The following GARNL3 variants were observed in gnomAD, a reference collection of about 807,000 sequenced individuals.
The protein encoded by GARNL3 is GTPase-activating Rap/Ran-GAP domain-like protein 3.
A neutral mutation model predicts 125.0 loss-of-function variants in GARNL3; 63 were observed. That is an observed-to-expected ratio of 0.50 (90% CI 0.41 to 0.62). The LOEUF is 0.62. Among genes scored for constraint, GARNL3 ranks in the 20% least tolerant of loss-of-function variants. The probability of loss-of-function intolerance (pLI) is 0.00; values close to 1 mark genes in which losing one functional copy is unlikely to be tolerated. For synonymous variants in GARNL3, 439 were observed against 457.5 expected (o/e 0.96, Z 0.52); for missense variants, 994 against 1,244.0 (o/e 0.80, Z 3.02).
intron 21 of GARNL3, among the ~76,000 whole-genome samples, chr9:127,360,973 C>G (rs1277281257): frequency 6.6e-6 from 1 of 152,230 alleles, no homozygotes; most frequent in Non-Finnish European, 1.5e-5. Context: ...TGACCTCATT[C>G]CCAAAACCAA....
intron 7 of GARNL3, among the ~76,000 whole-genome samples, chr9:127,326,714 T>C (rs1056946367): frequency 2.6e-5 from 4 of 152,128 alleles, no homozygotes; most frequent in Non-Finnish European, 5.9e-5. Context: ...TGCCTACCAA[T>C]GTGGTGGTAT....
chr9:127,246,931 C>CTTT lies in GARNL3; in HGVS notation c.143+3701_143+3703dup, dbSNP rs35410163. Among the ~76,000 whole-genome samples the CTTT allele has an allele frequency of 3.6e-3, 352 of 99,140 alleles. 10 individuals are homozygous for CTTT. The highest frequency in any genetic ancestry group is 4.1e-3 in the Non-Finnish European group (212 of 52,060). 65.0% of individuals were successfully genotyped at this position (99,140 alleles called of 152,430 possible). A position where few individuals can be genotyped will look rare whatever the true frequency, so the allele number is the denominator to read the frequency against. On this transcript the variant is annotated intron_variant, in intron 2 of 10. Coordinates refer to the GARNL3 transcript ENST00000439286. The stretch of plus-strand genomic sequence containing the variant: ...CTTGAGAAAGGAGTTGACCTTCCTT[C>CTTT]TTTTTTTTTTTTTTTTTTTTTGCGT...
At chr9:127,325,176 C>A in intron 7 of GARNL3, 81 bp downstream of exon 7, 2 of 1,391,206 alleles carry the variant, frequency 1.4e-6, no homozygotes, top group Non-Finnish European at 2.0e-6. Flanking sequence ...GTGAACCCAG[C>A]CTTTGCTTTC....
At chr9:127,229,142 A>T (rs1003581177) in intron 1 of GARNL3, among the ~76,000 whole-genome samples, 1 of 152,146 alleles carries the variant, frequency 6.6e-6, no homozygotes, top group African/African-American at 2.4e-5. Flanking sequence ...GCTTAAGTAA[A>T]AGTGAATTCC....
chr9:127,285,342 G>A (rs1009772597), intron 1 of GARNL3, among the ~76,000 whole-genome samples: 1 of 152,202 alleles, frequency 6.6e-6, no homozygotes, highest in East Asian at 1.9e-4. Flanking sequence ...AGAATCGCTC[G>A]AACTCGGGAG....
chr9:127,390,895 C>T, intron 27 of GARNL3, 128 bp downstream of exon 27: 7 of 931,604 alleles, frequency 7.5e-6, no homozygotes, highest in Non-Finnish European at 9.7e-6. Flanking sequence ...GGGCCAGCAG[C>T]CTGTTCCTCT....
At chr9:127,229,776 T>G (rs570420640) in intron 1 of GARNL3, among the ~76,000 whole-genome samples, 2 of 152,342 alleles carry the variant, frequency 1.3e-5, no homozygotes, top group South Asian at 4.1e-4. Flanking sequence ...GGTTACAGGC[T>G]TGAGCCACCA....
chr9:127,369,913 A>G (rs1010526870), intron 22 of GARNL3, among the ~76,000 whole-genome samples: 18 of 152,186 alleles, frequency 1.2e-4, no homozygotes, highest in Admixed American at 6.5e-4. Context: ...AAGTCCCTGC[A>G]TCTGTGGAAG....
At chr9:127,254,005 G>C (rs1428497684) in intron 2 of GARNL3, among the ~76,000 whole-genome samples, 1 of 152,186 alleles carries the variant, frequency 6.6e-6, no homozygotes, top group East Asian at 1.9e-4. Flanking sequence ...CTAACCCAGT[G>C]AAAGAGACAG....
At chr9:127,383,310 T>G in intron 22 of GARNL3, 128 bp from the exon 23 acceptor site, 2 of 575,138 alleles carry the variant, frequency 3.5e-6, no homozygotes, top group Admixed American at 6.6e-5. Context: ...ATGGCGGTAT[T>G]CATACTGGCT....
chr9:127,336,102 A>G (rs373270782), intron 10 of GARNL3, 26 bp from the exon 11 acceptor site: 13 of 1,508,026 alleles, frequency 8.6e-6, no homozygotes, highest in Non-Finnish European at 1.2e-5. Flanking sequence ...AGTCTTTCTC[A>G]GTGATGTTAT....
chr9:127,387,130 G>C lies in GARNL3; in HGVS notation c.2389-63G>C, dbSNP rs201548710. 302 of 1,535,954 alleles carry C rather than the reference G, an allele frequency of 2.0e-4. 3 individuals carry two copies. Among genetic ancestry groups the C allele is most frequent in the South Asian group, 8.4e-4 (70 of 83,202 alleles). On this transcript the variant is annotated intron_variant, in intron 24 of 27. Coordinates refer to ENST00000373387, the MANE Select transcript of GARNL3 (RefSeq NM_032293.5). ...TGGAGGGTTTGCAGTGATGGCAGGAGGGCCAGTGGATGCAAGGCCTAGAAC... is the reference window on the plus strand; with the variant it reads ...TGGAGGGTTTGCAGTGATGGCAGGACGGCCAGTGGATGCAAGGCCTAGAAC...
upstream of GARNL3, among the ~76,000 whole-genome samples, chr9:127,261,639 C>T (rs919875448): frequency 6.6e-6 from 1 of 152,000 alleles, no homozygotes; most frequent in Non-Finnish European, 1.5e-5. Flanking sequence ...TCTCGAACTC[C>T]CGACCTCAGG....
rs1190225499 is a variant in GARNL3 at position 127,333,111 on chromosome 9, G to A, written c.759G>A (p.Leu253=). The A allele has an allele frequency of 6.2e-7, 1 of 1,613,024 alleles. No individual in the cohort carries two copies. Among genetic ancestry groups the A allele is most frequent in the South Asian group, 1.1e-5 (1 of 91,032 alleles). Residue 253 remains leucine (L), a synonymous_variant, in exon 9 of 28, where the codon CTG becomes CTA. Coordinates refer to ENST00000373387, the MANE Select transcript of GARNL3 (RefSeq NM_032293.5). ...GCTGGACGGGCTACCGTGGCGGTCT[G>A]GATACCAAAAGTAAGCCTGCCTCTT... The part of the protein sequence containing the change: ...LKGWTGYRGG[L]DTKNDTTGIH...
intron 7 of GARNL3, among the ~76,000 whole-genome samples, chr9:127,327,237 T>C (rs2065602717): frequency 6.6e-6 from 1 of 152,160 alleles, no homozygotes; most frequent in Non-Finnish European, 1.5e-5. Context: ...GCAAGAAAGG[T>C]CCCTTCTTCA....
chr9:127,270,425 C>T (rs552447509), intron 1 of GARNL3, among the ~76,000 whole-genome samples: 2 of 152,326 alleles, frequency 1.3e-5, no homozygotes, highest in African/African-American at 4.8e-5. Context: ...GATCCTTACC[C>T]TGTCTTTCTC....
chr9:127,325,208 T>A, intron 7 of GARNL3, 113 bp downstream of exon 7: 1 of 1,029,130 alleles, frequency 9.7e-7, no homozygotes, highest in Non-Finnish European at 1.5e-6. Context: ...CATGTAGATT[T>A]GCACAGTGGG....
intron 2 of GARNL3, among the ~76,000 whole-genome samples, chr9:127,304,295 A>C (rs778266417): frequency 3.9e-5 from 6 of 152,320 alleles, no homozygotes; most frequent in Non-Finnish European, 7.3e-5. Flanking sequence ...CCAACTCCAG[A>C]ACTGCAAGGA....
intron 17 of GARNL3, among the ~76,000 whole-genome samples, chr9:127,350,057 G>A (rs1224178263): frequency 6.6e-6 from 1 of 152,152 alleles, no homozygotes; most frequent in Non-Finnish European, 1.5e-5. Context: ...TGTGGGCCGT[G>A]CTTCATAATG....
Sources: allele counts gnomAD v4.1 joint callset (sites outside exome capture counted in the v4.1 genomes callset), GRCh38; gene constraint gnomAD v4.1.1; transcripts MANE v1.5; gene names NCBI Gene and HGNC (gene_info 2026-07-23, HGNC 2026-07-21).